Variants in FASTKD1 observed in about 807,000 individuals in gnomAD.
FASTKD1 encodes the protein FAST kinase domain-containing protein 1, mitochondrial.
A neutral mutation model predicts 90.9 loss-of-function variants in FASTKD1; 94 were observed. The observed-to-expected ratio is 1.03, with a 90% CI of 0.88 to 1.23. The LOEUF (loss-of-function observed/expected upper bound fraction) is 1.23. Ranked by LOEUF, FASTKD1 falls within the 50% of genes most tolerant of loss-of-function variation. FASTKD1 has a pLI of 0.00. For synonymous variants in FASTKD1, 319 were observed against 345.8 expected, an observed-to-expected ratio of 0.92 and a Z score of 0.86; for missense variants, 945 against 993.5, an observed-to-expected ratio of 0.95 and a Z score of 0.66.
At chr2:169,532,389 C>G (rs1353600751) in intron 12 of FASTKD1, among the ~76,000 whole-genome samples, 1 of 138,266 alleles carries the variant, frequency 7.2e-6, no homozygotes, top group Non-Finnish European at 1.5e-5. Flanking sequence ...TCAGCCTAGG[C>G]AGCAGAGCCA....
rs1003400363 is a variant in FASTKD1 at position 169,537,202 on chromosome 2, A to T, written c.2188+25T>A. On this transcript the variant is annotated intron_variant, in intron 12 of 14. Coordinates refer to ENST00000453153, the MANE Select transcript of FASTKD1 (RefSeq NM_024622.6). ...AAATTAGTTTGATTTTCTGAAAGTAACTAATAACCTACCCAATAACTTACC... is the reference window on the plus strand; with the variant it reads ...AAATTAGTTTGATTTTCTGAAAGTATCTAATAACCTACCCAATAACTTACC... The T allele has an allele frequency of 3.8e-6, 5 of 1,302,660 alleles. No individual in the cohort carries two copies. The African/African-American group carries it at 5.8e-5, about 15-fold the overall frequency. 80.7% of individuals were successfully genotyped at this position (1,302,660 alleles called of 1,614,324 possible).
At chr2:169,567,992 A>G (rs555696820) in intron 3 of FASTKD1, among the ~76,000 whole-genome samples, 1 of 152,358 alleles carries the variant, frequency 6.6e-6, no homozygotes, top group African/African-American at 2.4e-5. Context: ...ATATATAATT[A>G]GAGAATAAAT....
chr2:169,565,593 T>C (rs1009198946), intron 3 of FASTKD1, among the ~76,000 whole-genome samples: 13 of 152,204 alleles, frequency 8.5e-5, no homozygotes, highest in African/African-American at 2.4e-4. Context: ...CATCTGTTGA[T>C]GGACACTTAT....
At chr2:169,559,226 G>A (rs917996203) in intron 5 of FASTKD1, among the ~76,000 whole-genome samples, 2 of 151,824 alleles carry the variant, frequency 1.3e-5, no homozygotes, top group African/African-American at 4.8e-5. Flanking sequence ...ACCTGCCTTG[G>A]CCTCCCAAAG....
At chr2:169,544,679 T>A (rs1685105821) in intron 9 of FASTKD1, 42 bp downstream of exon 9, 1 of 1,082,650 alleles carries the variant, frequency 9.2e-7, no homozygotes, top group African/African-American at 1.6e-5. Context: ...ACAAGTATCC[T>A]CTGACTTATT....
intron 12 of FASTKD1, 62 bp from the exon 13 acceptor site, chr2:169,531,552 G>C (rs1684494269): frequency 7.5e-7 from 1 of 1,330,316 alleles, no homozygotes; most frequent in East Asian, 2.4e-5. Flanking sequence ...AAAAGTTTAA[G>C]ATATATTTGA....
chr2:169,567,291 A>T (rs1476462404), intron 3 of FASTKD1, among the ~76,000 whole-genome samples: 1 of 152,200 alleles, frequency 6.6e-6, no homozygotes, highest in Non-Finnish European at 1.5e-5. Context: ...TTTACAAGTG[A>T]TTTGTTCAAG....
rs184623915 is a variant in FASTKD1 at position 169,562,056 on chromosome 2, T to C, written c.572+1169A>G. 7.7e-3 allele frequency among the ~76,000 whole-genome samples: 949 copies of C among 122,598 alleles called. 5 individuals carry two copies. The highest frequency in any genetic ancestry group is 0.011 in the Non-Finnish European group (607 of 57,348). 80.4% of individuals were successfully genotyped at this position (122,598 alleles called of 152,430 possible). A position where few individuals can be genotyped will look rare whatever the true frequency, so the allele number is the denominator to read the frequency against. ...ATTAATTTATTGTAAATTAATTATT[T>C]ATTAATTTATTGTAAAATAATTATT... On this transcript the variant is annotated intron_variant, in intron 4 of 14. Transcript: ENST00000453153.
intron 10 of FASTKD1, among the ~76,000 whole-genome samples, chr2:169,539,666 G>C (rs1292541451): frequency 1.3e-5 from 2 of 151,596 alleles, no homozygotes; most frequent in Non-Finnish European, 2.9e-5. Context: ...TTGGAAGGCT[G>C]AGGTGGGAGG....
chr2:169,537,390 T>C (rs778564938), intron 11 of FASTKD1, 50 bp from the exon 12 acceptor site: 3 of 1,321,868 alleles, frequency 2.3e-6, no homozygotes, highest in Non-Finnish European at 2.1e-6. Flanking sequence ...TTTTCTTTTT[T>C]TTTTTCCTTT....
chr2:169,537,192 T>C (rs770454797), intron 12 of FASTKD1, 35 bp downstream of exon 12: 2 of 1,241,824 alleles, frequency 1.6e-6, no homozygotes, highest in Admixed American at 1.8e-5. Flanking sequence ...AGTTTGATTT[T>C]CTGAAAGTAA....
intron 7 of FASTKD1, among the ~76,000 whole-genome samples, chr2:169,554,076 G>C (rs1268274734): frequency 6.7e-6 from 1 of 149,862 alleles, no homozygotes; most frequent in African/African-American, 2.5e-5. Context: ...CTGCACTCCA[G>C]CTTGGGCAAC....
At chr2:169,540,259 G>A in intron 9 of FASTKD1, 80 bp from the exon 10 acceptor site, 1 of 1,317,070 alleles carries the variant, frequency 7.6e-7, no homozygotes, top group African/African-American at 1.5e-5. Flanking sequence ...GGCAAACCCA[G>A]GTTTTTAAAA....
intron 7 of FASTKD1, among the ~76,000 whole-genome samples, chr2:169,553,305 T>C (rs1372318937): frequency 1.0e-5 from 1 of 100,192 alleles, no homozygotes; most frequent in Admixed American, 1.1e-4. Context: ...TGTGCAGACA[T>C]AAATCATGCC....
intron 5 of FASTKD1, among the ~76,000 whole-genome samples, chr2:169,558,730 C>G (rs1683442997): frequency 6.6e-6 from 1 of 151,370 alleles, no homozygotes; most frequent in African/African-American, 2.4e-5. Context: ...GGATAACAGG[C>G]ATGAGCCACC....
At chr2:169,557,504 C>T (rs1002822610) in intron 5 of FASTKD1, among the ~76,000 whole-genome samples, 1 of 152,074 alleles carries the variant, frequency 6.6e-6, no homozygotes, top group Non-Finnish European at 1.5e-5. Context: ...CAATGAAATT[C>T]AGGCCTCATT....
At chr2:169,543,338 C>T (rs1685040069) in intron 9 of FASTKD1, among the ~76,000 whole-genome samples, 1 of 152,158 alleles carries the variant, frequency 6.6e-6, no homozygotes, top group Non-Finnish European at 1.5e-5. Context: ...TGGCGCATGC[C>T]TGTAATCCCA....
At position 169,547,317 on chromosome 2, in the gene FASTKD1, C is replaced by G. The variant is rs73037975; in HGVS notation, c.1215-613G>C. Among the ~76,000 whole-genome samples the G allele has an allele frequency of 3.4e-3, 523 of 152,284 alleles. 1 individual carries two copies. The highest frequency in any genetic ancestry group is 9.6e-3 in the African/African-American group (401 of 41,560). On this transcript the variant is annotated intron_variant, in intron 7 of 14. Coordinates refer to ENST00000453153, the MANE Select transcript of FASTKD1 (RefSeq NM_024622.6). ...TCGGCTATCCGGAAGCAGTCCAAAC[C>G]CAGTCTTCTTGGGTTTTTATGAGCT...
At chr2:169,557,090 A>G (rs1683353602) in intron 6 of FASTKD1, 97 bp downstream of exon 6, 3 of 774,982 alleles carry the variant, frequency 3.9e-6, no homozygotes, top group East Asian at 5.1e-5. Flanking sequence ...TCTTCAAAAC[A>G]ACTGGTAGAT....
Sources: allele counts gnomAD v4.1 joint callset (sites outside exome capture counted in the v4.1 genomes callset), GRCh38; gene constraint gnomAD v4.1.1; transcripts MANE v1.5; gene names NCBI Gene and HGNC (gene_info 2026-07-23, HGNC 2026-07-21).